Variants in ENKUR observed in about 807,000 individuals in gnomAD.
The protein encoded by ENKUR is enkurin, TRPC channel interacting protein.
Under a neutral mutation model 27.6 loss-of-function variants are expected in ENKUR, and 19 were observed. The observed-to-expected ratio is 0.69, with a 90% CI of 0.48 to 1.01. The LOEUF is 1.01. ENKUR is among the 50% of genes least tolerant of loss of function. The probability of loss-of-function intolerance (pLI) is 0.00; values close to 1 mark genes in which losing one functional copy is unlikely to be tolerated. For synonymous variants in ENKUR, 117 were observed against 96.9 expected (o/e 1.21, Z -1.22); for missense variants, 312 against 310.5 (o/e 1.00, Z -0.04).
intron 2 of ENKUR, among the ~76,000 whole-genome samples, chr10:25,059,630 CA>C (rs987970577): frequency 3.3e-5 from 5 of 152,038 alleles, no homozygotes; most frequent in African/African-American, 4.8e-5. Context: ...GGGCACCCCC[CA>C]AAAAATGCTA....
At chr10:25,009,629 C>T (rs1195283571) in intron 1 of ENKUR, among the ~76,000 whole-genome samples, 1 of 152,120 alleles carries the variant, frequency 6.6e-6, no homozygotes, top group Non-Finnish European at 1.5e-5. Context: ...TATGGTTTTG[C>T]TGTGTCCCCA....
At chr10:25,013,237 G>T (rs758106255) in intron 1 of ENKUR, among the ~76,000 whole-genome samples, 3 of 152,134 alleles carry the variant, frequency 2.0e-5, no homozygotes, top group Admixed American at 6.5e-5. Context: ...AGCAGCGTGA[G>T]AACAGACTAA....
chr10:25,052,811 C>G (rs1214752289), intron 2 of ENKUR, among the ~76,000 whole-genome samples: 1 of 151,510 alleles, frequency 6.6e-6, no homozygotes. Context: ...GAATTTCATT[C>G]TTGTTACCCA....
intron 4 of ENKUR, 76 bp from the exon 5 acceptor site, chr10:24,984,981 A>T (rs1849750505): frequency 2.7e-6 from 3 of 1,113,614 alleles, no homozygotes; most frequent in Non-Finnish European, 4.0e-6. Flanking sequence ...CTAATTGGTA[A>T]TGAAAAATGT....
intron 2 of ENKUR, among the ~76,000 whole-genome samples, chr10:25,034,530 A>C (rs2130461072): frequency 6.6e-6 from 1 of 152,336 alleles, no homozygotes; most frequent in Non-Finnish European, 1.5e-5. Flanking sequence ...AAGTAGCAGA[A>C]GTTTTCAGGA....
At chr10:25,001,499 T>A (rs1385423915) in intron 1 of ENKUR, among the ~76,000 whole-genome samples, 1 of 152,154 alleles carries the variant, frequency 6.6e-6, no homozygotes, top group Non-Finnish European at 1.5e-5. Context: ...TCCTCTTCCA[T>A]GATTCTTTGA....
At chr10:24,992,330 T>C (rs1174661365) in intron 3 of ENKUR, among the ~76,000 whole-genome samples, 1 of 152,142 alleles carries the variant, frequency 6.6e-6, no homozygotes, top group Non-Finnish European at 1.5e-5. Flanking sequence ...ATAGGGGCTA[T>C]TTTAGATAAA....
chr10:24,988,694 A>ATG (rs1849852511), intron 4 of ENKUR, among the ~76,000 whole-genome samples: 2 of 33,974 alleles, frequency 5.9e-5, no homozygotes, highest in South Asian at 1.1e-3. Flanking sequence ...ATATATATAT[A>ATG]TATATATATA....
intron 3 of ENKUR, among the ~76,000 whole-genome samples, chr10:24,992,755 A>T (rs1206731863): frequency 6.6e-6 from 1 of 152,200 alleles, no homozygotes; most frequent in East Asian, 1.9e-4. Flanking sequence ...AACTTAACCC[A>T]TCCTGACTGA....
intron 4 of ENKUR, among the ~76,000 whole-genome samples, chr10:24,988,842 C>A (rs1474798336): frequency 6.6e-6 from 1 of 151,604 alleles, no homozygotes; most frequent in African/African-American, 2.4e-5. Flanking sequence ...CAGGGACATA[C>A]AACCAGATTG....
intron 1 of ENKUR, among the ~76,000 whole-genome samples, chr10:25,012,380 A>G (rs3937870): frequency 0.031 from 4,688 of 152,280 alleles, 104 homozygotes; most frequent in South Asian, 0.072. Flanking sequence ...TGGTAAATCC[A>G]CTGAGAGCAT....
At chr10:25,022,455 CTA>C (rs1850740634) in intron 2 of ENKUR, among the ~76,000 whole-genome samples, 1 of 152,158 alleles carries the variant, frequency 6.6e-6, no homozygotes, top group African/African-American at 2.4e-5. Context: ...TTTTTCTTAA[CTA>C]TTTGTATAAT....
chr10:24,995,652 A>G lies in ENKUR; in HGVS notation c.441T>C (p.Asn147=). ...EPSGLVPKYI[N]KKDYGVTPEY... is the part of the protein sequence containing the mutation. ...TAATATACCACAAGGCTACCTTTTTATTGATGTACTTTGGAACTAGTCCTG... is the reference window on the plus strand; with the variant it reads ...TAATATACCACAAGGCTACCTTTTTGTTGATGTACTTTGGAACTAGTCCTG... The change falls in exon 3 of 6, where the codon AAT becomes AAC. Residue 147 remains asparagine (N), a synonymous_variant. Coordinates refer to ENST00000331161, the MANE Select transcript of ENKUR (RefSeq NM_145010.4). The G allele has an allele frequency of 6.2e-7, 1 of 1,608,696 alleles. No individual in the cohort carries two copies. Among genetic ancestry groups the G allele is most frequent in the African/African-American group, 1.3e-5 (1 of 74,620 alleles).
chr10:25,018,662 T>TTTTTTTTTTTTTTTTTTTTTTTTTG (rs1564347092), upstream of ENKUR, among the ~76,000 whole-genome samples: 1 of 129,700 alleles, frequency 7.7e-6, no homozygotes. Flanking sequence ...GAGAGTTGTT[T>TTTTTTTTTTTTTTTTTTTTTTTTTG]TTTTTTTTTT....
At chr10:25,058,333 G>A (rs376791432) in intron 2 of ENKUR, among the ~76,000 whole-genome samples, 2 of 151,924 alleles carry the variant, frequency 1.3e-5, no homozygotes, top group Non-Finnish European at 1.5e-5. Context: ...TCAGCCACCC[G>A]AGTAGCTGGG....
At chr10:25,025,309 G>C in intron 2 of ENKUR, 1 of 1,614,078 alleles carries the variant, frequency 6.2e-7, no homozygotes, top group Non-Finnish European at 8.5e-7. Flanking sequence ...CTATTTGCTG[G>C]GTTCATACAA....
At chr10:25,034,317 T>G (rs1304282191) in intron 2 of ENKUR, among the ~76,000 whole-genome samples, 2 of 152,114 alleles carry the variant, frequency 1.3e-5, no homozygotes, top group Non-Finnish European at 2.9e-5. Context: ...ATATTTGAAT[T>G]CCACAACCCA....
intron 1 of ENKUR, among the ~76,000 whole-genome samples, chr10:25,006,390 G>T (rs1010545483): frequency 2.0e-5 from 3 of 152,120 alleles, no homozygotes; most frequent in Non-Finnish European, 4.4e-5. Flanking sequence ...GAGAACATTT[G>T]TGCTCCTCTG....
chr10:25,045,444 T>C (rs1851112207), intron 2 of ENKUR, among the ~76,000 whole-genome samples: 1 of 152,154 alleles, frequency 6.6e-6, no homozygotes, highest in Non-Finnish European at 1.5e-5. Context: ...AAATAATGAG[T>C]TTCTTTCTAT....
Sources: gnomAD v4.1 joint callset for allele counts (sites outside exome capture counted in the v4.1 genomes callset) on GRCh38, gnomAD v4.1.1 for gene constraint, MANE v1.5 for transcripts, NCBI Gene and HGNC (gene_info 2026-07-23, HGNC 2026-07-21) for gene names.